The following MUSK variants were observed in gnomAD, a reference collection of about 807,000 sequenced individuals.
MUSK encodes muscle, skeletal receptor tyrosine-protein kinase.
Under a neutral mutation model 88.7 loss-of-function variants are expected in MUSK, and 55 were observed. The observed-to-expected ratio is 0.62, with a 90% CI of 0.50 to 0.78. The LOEUF (loss-of-function observed/expected upper bound fraction) is 0.78, where lower values mean the gene tolerates loss of function less well. Ranked by LOEUF, MUSK falls within the 30% of genes least tolerant of loss-of-function variation. The probability of loss-of-function intolerance (pLI) is 0.00; values close to 1 mark genes in which losing one functional copy is unlikely to be tolerated. For synonymous variants in MUSK, 387 were observed against 391.9 expected (o/e 0.99, Z 0.15); for missense variants, 1,015 against 1,074.3 (o/e 0.94, Z 0.77).
chr9:110,675,589 G>T (rs1477188294), intron 1 of MUSK, among the ~76,000 whole-genome samples: 19 of 49,126 alleles, frequency 3.9e-4, no homozygotes, highest in African/African-American at 1.5e-3. Flanking sequence ...TTTTTTTTTG[G>T]GACTGAGTCT....
At chr9:110,782,664 T>C (rs1288102183) in intron 11 of MUSK, among the ~76,000 whole-genome samples, 1 of 152,196 alleles carries the variant, frequency 6.6e-6, no homozygotes, top group African/African-American at 2.4e-5. Flanking sequence ...TCCAACTTTA[T>C]TATTAGCAGA....
chr9:110,742,837 T>G (rs747210105), intron 6 of MUSK, among the ~76,000 whole-genome samples: 8 of 152,238 alleles, frequency 5.3e-5, no homozygotes, highest in Non-Finnish European at 1.0e-4. Context: ...GAGTGTGTGC[T>G]GCTCTTAGAG....
chr9:110,716,024 G>T (rs1021490092), intron 5 of MUSK, among the ~76,000 whole-genome samples: 2 of 149,582 alleles, frequency 1.3e-5, no homozygotes, highest in African/African-American at 5.1e-5. Context: ...ACGGATGCTA[G>T]GCTTATTACC....
chr9:110,682,836 G>A, intron 2 of MUSK, 36 bp downstream of exon 2: 1 of 1,524,432 alleles, frequency 6.6e-7, no homozygotes, highest in Non-Finnish European at 9.0e-7. Context: ...TTAAATTTTT[G>A]TGGGTATATA....
chr9:110,744,959 G>A (rs2077154833), intron 6 of MUSK, among the ~76,000 whole-genome samples: 1 of 152,170 alleles, frequency 6.6e-6, no homozygotes, highest in African/African-American at 2.4e-5. Flanking sequence ...AGGGCAGAGG[G>A]ATTTGTTTTT....
chr9:110,711,763 A>G (rs574283335), intron 5 of MUSK, among the ~76,000 whole-genome samples: 2 of 152,318 alleles, frequency 1.3e-5, no homozygotes, highest in African/African-American at 4.8e-5. Flanking sequence ...TAATAAGGCC[A>G]TACTCACTTT....
intron 6 of MUSK, among the ~76,000 whole-genome samples, chr9:110,742,946 A>T (rs1208781575): frequency 6.6e-6 from 1 of 152,244 alleles, no homozygotes; most frequent in Non-Finnish European, 1.5e-5. Flanking sequence ...AATGTCAGGC[A>T]TTTAATGTTG....
At chr9:110,776,391 A>G (rs768352916) in intron 10 of MUSK, among the ~76,000 whole-genome samples, 2 of 152,250 alleles carry the variant, frequency 1.3e-5, no homozygotes, top group Non-Finnish European at 2.9e-5. Context: ...CTCACAAAAC[A>G]AAATTGAATT....
intron 14 of MUSK, 141 bp from the exon 15 acceptor site, chr9:110,800,165 A>C (rs934690166): frequency 4.0e-6 from 3 of 753,542 alleles, no homozygotes; most frequent in Non-Finnish European, 6.4e-6. Context: ...AAAGGATACA[A>C]ATATTAAAAA....
intron 5 of MUSK, 97 bp from the exon 6 acceptor site, chr9:110,734,154 C>A: frequency 7.3e-7 from 1 of 1,371,798 alleles, no homozygotes; most frequent in Non-Finnish European, 9.9e-7. Context: ...AAGAACTGCA[C>A]ACAGGGGAAC....
chr9:110,801,064 C>A lies in MUSK; in HGVS notation c.*76C>A, dbSNP rs931411735. 1 of 1,238,858 alleles carries A rather than the reference C, an allele frequency of 8.1e-7. No homozygotes were observed. The highest frequency in any genetic ancestry group is 1.1e-6 in the Non-Finnish European group (1 of 925,042). The allele number at this position is 1,238,858 out of a possible 1,614,324, so 76.7% of individuals were successfully genotyped here. A position where few individuals can be genotyped will look rare whatever the true frequency, so the allele number is the denominator to read the frequency against. On this transcript the variant is annotated 3_prime_UTR_variant, in exon 15 of 15. Coordinates refer to ENST00000374448, the MANE Select transcript of MUSK (RefSeq NM_005592.4). ...GCCAGGGGAATCCTACACCAGAGGC[C>A]CAACAAGACCCACATAGGAAAGAGT...
intron 3 of MUSK, among the ~76,000 whole-genome samples, chr9:110,689,874 A>AATATGTAACTATATATTTATATATAAC (rs1564218444): frequency 2.9e-4 from 21 of 71,600 alleles, no homozygotes; most frequent in African/African-American, 1.1e-3. Context: ...TTAAATATAA[A>AATATGTAACTATATATTTATATATAAC]TATATATTTA....
rs910285929 is a variant in MUSK, at chr9:110,736,608, T to G, written c.753+2233T>G. ...TTAGACAACTTTGCTTTTATTTGAG[T>G]GAGATGAGGTGCCACTGTAGGTCTG... On this transcript the variant is annotated intron_variant, in intron 6 of 14. Transcript: ENST00000374448. Among the ~76,000 whole-genome samples the G allele has an allele frequency of 4.6e-5, 7 of 152,066 alleles. 1 individual carries two copies. In the South Asian group the frequency reaches 1.4e-3, roughly 31 times the overall value.
intron 3 of MUSK, among the ~76,000 whole-genome samples, chr9:110,694,057 C>T (rs186099951): frequency 2.0e-5 from 3 of 151,842 alleles, no homozygotes; most frequent in East Asian, 3.9e-4. Context: ...AACACAGGGC[C>T]GCAGGAACTC....
At chr9:110,682,591 A>G (rs186631480) in intron 1 of MUSK, 83 bp from the exon 2 acceptor site, 4 of 1,352,766 alleles carry the variant, frequency 3.0e-6, no homozygotes, top group African/African-American at 2.9e-5. Flanking sequence ...TCATTCAGGT[A>G]TGTAATGGCT....
At chr9:110,759,797 C>A (rs2077373165) in intron 7 of MUSK, among the ~76,000 whole-genome samples, 1 of 152,156 alleles carries the variant, frequency 6.6e-6, no homozygotes, top group African/African-American at 2.4e-5. Flanking sequence ...GTTAGAGTGG[C>A]TATTATTAAA....
chr9:110,759,910 C>A (rs1388514370), intron 7 of MUSK, among the ~76,000 whole-genome samples: 1 of 152,128 alleles, frequency 6.6e-6, no homozygotes, highest in Non-Finnish European at 1.5e-5. Context: ...GTGGCACATG[C>A]CTGTAATCCC....
Position 110,805,606 on chromosome 9 carries a change from G to A in MUSK, c.*4618G>A, listed in dbSNP as rs56254339. Reference sequence around the variant, plus strand: ...CTACTTTTATCATGTTAAAAATATAGACTTCTATTTGTCTTTTATTGTAGG... The same window carrying A: ...CTACTTTTATCATGTTAAAAATATAAACTTCTATTTGTCTTTTATTGTAGG... On this transcript the variant is annotated 3_prime_UTR_variant, in exon 15 of 15. Transcript: ENST00000374448. 0.032 allele frequency among the ~76,000 whole-genome samples: 4,900 copies of A among 151,892 alleles called. 284 individuals carry two copies. Among genetic ancestry groups the A allele is most frequent in the African/African-American group, 0.11 (4,701 of 41,484 alleles).
At chr9:110,756,727 C>T (rs60025036) in intron 7 of MUSK, among the ~76,000 whole-genome samples, 14,388 of 152,106 alleles carry the variant, frequency 0.095, 716 homozygotes, top group Middle Eastern at 0.15. Flanking sequence ...TGCCCTTCAT[C>T]TTTACTTGAA....
Sources: gnomAD v4.1 joint callset for allele counts (sites outside exome capture counted in the v4.1 genomes callset) on GRCh38, gnomAD v4.1.1 for gene constraint, MANE v1.5 for transcripts, NCBI Gene and HGNC (gene_info 2026-07-23, HGNC 2026-07-21) for gene names.